Variants in MGMT observed in about 807,000 individuals in gnomAD.
MGMT encodes the protein O-6-methylguanine-DNA methyltransferase, also known as methylated-DNA--protein-cysteine methyltransferase.
A neutral mutation model predicts 15.9 loss-of-function variants in MGMT; 14 were observed. That is an observed-to-expected ratio of 0.88 (90% CI 0.58 to 1.37). The LOEUF is 1.37. Among genes scored for constraint, MGMT ranks in the 40% most tolerant of loss-of-function variants. The pLI is 0.00. For synonymous variants in MGMT, 130 were observed against 118.2 expected (o/e 1.10, Z -0.65); for missense variants, 282 against 268.1 (o/e 1.05, Z -0.36).
At chr10:129,583,371 A>G (rs80138481) in intron 2 of MGMT, among the ~76,000 whole-genome samples, 4,083 of 152,356 alleles carry the variant, frequency 0.027, 90 homozygotes, top group South Asian at 0.065. Context: ...GTGGAAATTT[A>G]TAAAGGAATG....
At chr10:129,625,476 T>C (rs1345318136) in intron 2 of MGMT, among the ~76,000 whole-genome samples, 1 of 152,216 alleles carries the variant, frequency 6.6e-6, no homozygotes, top group Non-Finnish European at 1.5e-5. Context: ...CCTAATAAAA[T>C]ATTAGAATGT....
At chr10:129,473,945 G>A (rs1043841070) in intron 1 of MGMT, among the ~76,000 whole-genome samples, 3 of 152,138 alleles carry the variant, frequency 2.0e-5, no homozygotes, top group Non-Finnish European at 2.9e-5. Flanking sequence ...CTGTGCACAC[G>A]CTTCACCATG....
intron 3 of MGMT, among the ~76,000 whole-genome samples, chr10:129,723,658 G>C (rs1344875350): frequency 6.6e-6 from 1 of 152,148 alleles, no homozygotes; most frequent in East Asian, 1.9e-4. Flanking sequence ...TCTAAGAAGG[G>C]TATATGAAGA....
chr10:129,674,694 G>GC (rs1847764457), intron 2 of MGMT, among the ~76,000 whole-genome samples: 1 of 152,266 alleles, frequency 6.6e-6, no homozygotes, highest in Non-Finnish European at 1.5e-5. Context: ...GGTGACAGCA[G>GC]CCTGGGGGAG....
At chr10:129,494,362 A>C (rs1488303717) in intron 1 of MGMT, among the ~76,000 whole-genome samples, 1 of 152,172 alleles carries the variant, frequency 6.6e-6, no homozygotes, top group Admixed American at 6.5e-5. Flanking sequence ...AACCACGTGG[A>C]GCTCAAGCTT....
Position 129,770,205 on chromosome 10 carries a change from T to C in MGMT, c.*3208T>C, listed in dbSNP as rs900474199. Among the ~76,000 whole-genome samples, 3 of 152,222 alleles carry C rather than the reference T, an allele frequency of 2.0e-5. No individual in the cohort carries two copies. The highest frequency in any genetic ancestry group is 4.4e-5 in the Non-Finnish European group (3 of 68,036). On this transcript the variant is annotated 3_prime_UTR_variant, in exon 5 of 5. Coordinates refer to ENST00000651593, the MANE Select transcript of MGMT (RefSeq NM_002412.5). ...TACTGAAGCCATCAGTTTTGTTTCTTACATCGTTTGTAAACAGCAGTATTA... is the reference window on the plus strand; with the variant it reads ...TACTGAAGCCATCAGTTTTGTTTCTCACATCGTTTGTAAACAGCAGTATTA...
chr10:129,590,117 T>A (rs1158317757), intron 2 of MGMT, among the ~76,000 whole-genome samples: 1 of 152,224 alleles, frequency 6.6e-6, no homozygotes, highest in Non-Finnish European at 1.5e-5. Flanking sequence ...GGACCGGAGC[T>A]TCTGTTAGGC....
At chr10:129,737,235 T>C (rs1304259662) in intron 3 of MGMT, among the ~76,000 whole-genome samples, 2 of 152,236 alleles carry the variant, frequency 1.3e-5, no homozygotes, top group East Asian at 3.9e-4. Flanking sequence ...TAGTCCCATA[T>C]TTCTTGGAGG....
chr10:129,520,220 G>A (rs894090004), intron 1 of MGMT, among the ~76,000 whole-genome samples: 3 of 152,072 alleles, frequency 2.0e-5, no homozygotes, highest in African/African-American at 7.2e-5. Context: ...AATGGGCCAG[G>A]CCAGAAATAT....
chr10:129,622,369 C>G (rs1847100292), intron 2 of MGMT, among the ~76,000 whole-genome samples: 1 of 152,228 alleles, frequency 6.6e-6, no homozygotes, highest in Non-Finnish European at 1.5e-5. Flanking sequence ...ATATATTCAT[C>G]TCAAATTTGA....
rs1051916575 is a variant in MGMT at position 129,485,778 on chromosome 10, A to C, written c.-13+18482A>C. Reference sequence around the variant, plus strand: ...CTGCTCTGTCATGGCTAGAAGTGGGATCCCCACCAAGTTATTAGTGGACTC... The same window carrying C: ...CTGCTCTGTCATGGCTAGAAGTGGGCTCCCCACCAAGTTATTAGTGGACTC... On this transcript the variant is annotated intron_variant, in intron 1 of 4. Coordinates refer to ENST00000651593, the MANE Select transcript of MGMT (RefSeq NM_002412.5). 3.9e-5 allele frequency among the ~76,000 whole-genome samples: 6 copies of C among 152,320 alleles called. No individual in the cohort carries two copies. In the Middle Eastern group the frequency reaches 0.014, roughly 345 times the overall value.
In MGMT at chr10:129,616,827, G is replaced by A. The variant is rs528166920; in HGVS notation, c.125+80450G>A. On this transcript the variant is annotated intron_variant, in intron 2 of 4. Transcript: ENST00000651593. ...TCTACTTGCAGATAGCGGTGAGGTG[G>A]GAGAGGGGCCTGGGAGTGTGCTCTT... Among the ~76,000 whole-genome samples, 41 of 152,246 alleles carry A rather than the reference G, an allele frequency of 2.7e-4. No individual in the cohort carries two copies. The East Asian group carries it at 6.8e-3, about 25-fold the overall frequency.
At chr10:129,534,745 G>A (rs1845967445) in intron 1 of MGMT, among the ~76,000 whole-genome samples, 1 of 151,768 alleles carries the variant, frequency 6.6e-6, no homozygotes, top group Admixed American at 6.6e-5. Context: ...TTCAGTGAAG[G>A]CGCAGAGATT....
chr10:129,705,477 C>T lies in MGMT; in HGVS notation c.126-2418C>T, dbSNP rs547003752. Among the ~76,000 whole-genome samples, 7 of 152,256 alleles carry T rather than the reference C, an allele frequency of 4.6e-5. No individual in the cohort carries two copies. In the East Asian group the frequency reaches 5.8e-4, roughly 13 times the overall value. On this transcript the variant is annotated intron_variant, in intron 2 of 4. Coordinates refer to ENST00000651593, the MANE Select transcript of MGMT (RefSeq NM_002412.5). ...TGTAAGCTATAGTTATCTTTATTTC[C>T]GCTTTAACTGCATAAGAGAGGAAAC... is the stretch of plus-strand genomic sequence containing the variant.
chr10:129,669,002 G>A (rs1281283967), intron 2 of MGMT, among the ~76,000 whole-genome samples: 1 of 152,076 alleles, frequency 6.6e-6, no homozygotes, highest in Non-Finnish European at 1.5e-5. Flanking sequence ...TTATTAGGTA[G>A]ATGAATATTT....
intron 3 of MGMT, among the ~76,000 whole-genome samples, chr10:129,729,952 A>G (rs1848477282): frequency 6.6e-6 from 1 of 152,022 alleles, no homozygotes; most frequent in South Asian, 2.1e-4. Context: ...CGGTGTTGAT[A>G]TGAGGTGTCT....
chr10:129,724,370 A>T (rs919965156), intron 3 of MGMT, among the ~76,000 whole-genome samples: 3 of 152,166 alleles, frequency 2.0e-5, no homozygotes, highest in African/African-American at 7.2e-5. Flanking sequence ...TAGAAGAGGA[A>T]CTGCTTCTGG....
At chr10:129,652,374 G>A (rs1331591967) in intron 2 of MGMT, among the ~76,000 whole-genome samples, 3 of 152,144 alleles carry the variant, frequency 2.0e-5, no homozygotes, top group East Asian at 1.9e-4. Context: ...CTGCCTGCAC[G>A]GTGGGTCCCC....
At chr10:129,750,528 C>T (rs781395869) in intron 3 of MGMT, among the ~76,000 whole-genome samples, 18 of 152,048 alleles carry the variant, frequency 1.2e-4, no homozygotes, top group African/African-American at 1.7e-4. Context: ...TTACTGAAAG[C>T]GTACAGACTT....
Sources: allele counts gnomAD v4.1 joint callset (sites outside exome capture counted in the v4.1 genomes callset), GRCh38; gene constraint gnomAD v4.1.1; transcripts MANE v1.5; gene names NCBI Gene and HGNC (gene_info 2026-07-23, HGNC 2026-07-21).